Variants in CLCN3 observed in about 807,000 individuals in gnomAD.
The protein encoded by CLCN3 is Cl-/H+ antiporter 3, also known as H(+)/Cl(-) exchange transporter 3.
In CLCN3, 16 loss-of-function variants were observed where a neutral mutation model predicts 83.4. The observed-to-expected ratio is 0.19, with a 90% CI of 0.13 to 0.29. The LOEUF is 0.29. CLCN3 is among the 10% of genes least tolerant of loss of function. CLCN3 has a pLI of 1.00. For missense variants in CLCN3, 544 were observed against 1,006.0 expected, an observed-to-expected ratio of 0.54 and a Z score of 6.21; for synonymous variants, 322 against 346.2, an observed-to-expected ratio of 0.93 and a Z score of 0.78.
rs1376282715 is a variant in CLCN3, at chr4:169,721,723, A to G, written c.*1726A>G. The G allele has an allele frequency of 6.6e-6, 1 of 152,208 alleles. No individual in the cohort carries two copies. The highest frequency in any genetic ancestry group is 1.5e-5 in the Non-Finnish European group (1 of 68,040). The allele number at this position is 152,208 out of a possible 1,614,324, so 9.4% of individuals were successfully genotyped here. ...TATATTTGGGATTTTTGTTTTTGGA[A>G]TTGTCTGTTTTAATCACAGCCTTAA... On this transcript the variant is annotated 3_prime_UTR_variant, in exon 13 of 13. Coordinates refer to ENST00000513761, the MANE Select transcript of CLCN3 (RefSeq NM_001829.4).
At chr4:169,655,017 ATG>A (rs1196115059) in intron 2 of CLCN3, among the ~76,000 whole-genome samples, 1 of 151,444 alleles carries the variant, frequency 6.6e-6, no homozygotes, top group Admixed American at 6.6e-5. Context: ...CTTTGATCTT[ATG>A]TTATTAGGTT....
chr4:169,668,043 A>ATTTTTTTTTTTTTTTTTTTTT (rs60739106), intron 2 of CLCN3, among the ~76,000 whole-genome samples: 6 of 82,334 alleles, frequency 7.3e-5, no homozygotes, highest in Admixed American at 2.6e-4. Flanking sequence ...CCGGCCAGAC[A>ATTTTTTTTTTTTTTTTTTTTT]TTTTTTTTTT....
intron 2 of CLCN3, chr4:169,663,678 C>G (rs1181432058): frequency 4.8e-6 from 2 of 415,354 alleles, no homozygotes; most frequent in Admixed American, 5.6e-5. Context: ...TATTTAAATC[C>G]TCATCACAAG....
chr4:169,696,998 T>G (rs998473658), intron 8 of CLCN3, among the ~76,000 whole-genome samples, 191 bp from the exon 9 acceptor site: 6 of 152,130 alleles, frequency 3.9e-5, no homozygotes, highest in African/African-American at 1.4e-4. Flanking sequence ...TACTGTCAAT[T>G]TGTAATGATG....
In CLCN3 at chr4:169,620,785, C is replaced by T. The variant is rs1773092484; in HGVS notation, c.-295C>T. On this transcript the variant is annotated 5_prime_UTR_variant, in exon 1 of 13. Coordinates refer to ENST00000513761, the MANE Select transcript of CLCN3 (RefSeq NM_001829.4). The stretch of plus-strand genomic sequence containing the variant: ...GGAGATTTTTATTTTTAATTTTGGG[C>T]AGAAGCAGGTTGACTCTAGGGATCT... 2 of 398,598 alleles carry T rather than the reference C, an allele frequency of 5.0e-6. No homozygotes were observed. The highest frequency in any genetic ancestry group is 8.8e-6 in the Non-Finnish European group (2 of 226,096). 24.7% of individuals were successfully genotyped at this position (398,598 alleles called of 1,614,324 possible).
chr4:169,722,257 T>C lies in CLCN3; in HGVS notation c.*2260T>C, dbSNP rs1238766826. 1 of 152,252 alleles carries C rather than the reference T, an allele frequency of 6.6e-6. No individual in the cohort carries two copies. The highest frequency in any genetic ancestry group is 1.5e-5 in the Non-Finnish European group (1 of 68,038). The allele number at this position is 152,252 out of a possible 1,614,324, so 9.4% of individuals were successfully genotyped here. ...GAAGACATAAGATCATGAAGCCATA[T>C]AAGAATGAGGATTGAAAGTTGAGCA... On this transcript the variant is annotated 3_prime_UTR_variant, in exon 13 of 13. Coordinates refer to ENST00000513761, the MANE Select transcript of CLCN3 (RefSeq NM_001829.4).
chr4:169,679,677 T>C (rs1258294634), intron 2 of CLCN3, among the ~76,000 whole-genome samples: 1 of 152,122 alleles, frequency 6.6e-6, no homozygotes, highest in African/African-American at 2.4e-5. Flanking sequence ...TCACTCGAGG[T>C]CAGGAGCTGG....
chr4:169,713,895 T>C (rs1733323205), intron 12 of CLCN3, among the ~76,000 whole-genome samples: 1 of 152,236 alleles, frequency 6.6e-6, no homozygotes, highest in Admixed American at 6.5e-5. Flanking sequence ...TAAATACTCA[T>C]GTATTTAAAA....
At position 169,720,848 on chromosome 4, in the gene CLCN3, G is replaced by A. The variant is rs1258921628; in HGVS notation, c.*851G>A. Reference sequence around the variant, plus strand: ...ATGAAGCTTGGTTTTAAAGGATAAAGTTTTCTTTTTTGTTTTCCTCTCAGA... The same window carrying A: ...ATGAAGCTTGGTTTTAAAGGATAAAATTTTCTTTTTTGTTTTCCTCTCAGA... On this transcript the variant is annotated 3_prime_UTR_variant, in exon 13 of 13. Transcript: ENST00000513761. 6.6e-6 allele frequency: 1 copy of A among 152,626 alleles called. No individual in the cohort carries two copies. Among genetic ancestry groups the A allele is most frequent in the Non-Finnish European group, 1.5e-5 (1 of 68,026 alleles). 9.5% of individuals were successfully genotyped at this position (152,626 alleles called of 1,614,324 possible).
At chr4:169,661,213 T>C (rs187609411) in intron 2 of CLCN3, among the ~76,000 whole-genome samples, 17 of 152,224 alleles carry the variant, frequency 1.1e-4, no homozygotes, top group African/African-American at 3.6e-4. Flanking sequence ...TAATTGCTTA[T>C]TCGAAAAACA....
At chr4:169,687,582 GA>G in intron 3 of CLCN3, 75 bp from the exon 4 acceptor site, 1 of 964,994 alleles carries the variant, frequency 1.0e-6, no homozygotes, top group Non-Finnish European at 1.6e-6. Context: ...TGGTAAATGA[GA>G]AAAATTGCTA....
intron 8 of CLCN3, among the ~76,000 whole-genome samples, chr4:169,696,640 A>G (rs1164388578): frequency 6.6e-6 from 1 of 152,068 alleles, no homozygotes; most frequent in Admixed American, 6.6e-5. Context: ...GAACACCAGA[A>G]CTTATTCCTC....
At chr4:169,677,900 C>G (rs1188765277) in intron 2 of CLCN3, among the ~76,000 whole-genome samples, 2 of 151,832 alleles carry the variant, frequency 1.3e-5, no homozygotes, top group Non-Finnish European at 2.9e-5. Context: ...ATTTCTTTTT[C>G]TTGAGCTATC....
intron 9 of CLCN3, among the ~76,000 whole-genome samples, chr4:169,698,595 T>G (rs1732658450): frequency 6.6e-6 from 1 of 152,188 alleles, no homozygotes; most frequent in Non-Finnish European, 1.5e-5. Flanking sequence ...CCGACCACAT[T>G]CAGAGGAGGG....
In CLCN3 at chr4:169,692,152, C is replaced by T; in HGVS notation, c.768C>T (p.Tyr256=). The T allele has an allele frequency of 6.2e-7, 1 of 1,611,004 alleles. No individual in the cohort carries two copies. The highest frequency in any genetic ancestry group is 8.5e-7 in the Non-Finnish European group (1 of 1,177,348). Reference sequence around the variant, plus strand: ...TAAGTGGATTCATCATCAGAGGTTACTTGGGAAAATGGACTTTAATGATTA... The same window carrying T: ...TAAGTGGATTCATCATCAGAGGTTATTTGGGAAAATGGACTTTAATGATTA... ...TILSGFIIRG[Y]LGKWTLMIKT... Residue 256 remains tyrosine (Y), a synonymous_variant, in exon 7 of 13, where the codon TAC becomes TAT. Coordinates refer to ENST00000513761, the MANE Select transcript of CLCN3 (RefSeq NM_001829.4).
At chr4:169,713,672 A>G (rs923057848) in intron 12 of CLCN3, among the ~76,000 whole-genome samples, 2 of 152,194 alleles carry the variant, frequency 1.3e-5, no homozygotes, top group Non-Finnish European at 2.9e-5. Context: ...CATTTTTAGT[A>G]TATAAATTTC....
chr4:169,645,807 C>T (rs919454030), intron 2 of CLCN3, among the ~76,000 whole-genome samples: 3 of 152,162 alleles, frequency 2.0e-5, no homozygotes, highest in African/African-American at 7.2e-5. Context: ...TACCTTACTA[C>T]TCAGTTAAAG....
At chr4:169,639,280 C>T (rs2150204918) in intron 2 of CLCN3, among the ~76,000 whole-genome samples, 1 of 152,302 alleles carries the variant, frequency 6.6e-6, no homozygotes, top group Non-Finnish European at 1.5e-5. Flanking sequence ...GATCCTCTTG[C>T]CTTGGCCTCC....
intron 2 of CLCN3, among the ~76,000 whole-genome samples, chr4:169,666,309 A>T (rs1041976025): frequency 6.6e-6 from 1 of 152,184 alleles, no homozygotes; most frequent in Non-Finnish European, 1.5e-5. Flanking sequence ...TGTTTGAAAA[A>T]CATTTCAAAA....
Sources: gnomAD v4.1 joint callset for allele counts (sites outside exome capture counted in the v4.1 genomes callset) on GRCh38, gnomAD v4.1.1 for gene constraint, MANE v1.5 for transcripts, NCBI Gene and HGNC (gene_info 2026-07-23, HGNC 2026-07-21) for gene names.